The following CCDC91 variants were observed in gnomAD, a reference collection of about 807,000 sequenced individuals.
The protein encoded by CCDC91 is coiled-coil domain containing 91, also known as coiled-coil domain-containing protein 91.
CCDC91 carries 48 observed loss-of-function variants against 63.2 expected under a neutral mutation model. The observed-to-expected ratio is 0.76, with a 90% confidence interval of 0.60 to 0.97. The LOEUF (loss-of-function observed/expected upper bound fraction) is 0.97. CCDC91 is among the 50% of genes least tolerant of loss of function. The pLI is 0.00. For synonymous variants in CCDC91, 167 were observed against 165.8 expected (o/e 1.01, Z -0.06); for missense variants, 500 against 494.6 (o/e 1.01, Z -0.10).
At chr12:28,405,207 A>C (rs2139589037) in intron 8 of CCDC91, among the ~76,000 whole-genome samples, 1 of 152,144 alleles carries the variant, frequency 6.6e-6, no homozygotes, top group Non-Finnish European at 1.5e-5. Context: ...TGGTTGCCCT[A>C]AAGTTCACAC....
intron 7 of CCDC91, among the ~76,000 whole-genome samples, chr12:28,374,803 G>A (rs758210460): frequency 7.2e-5 from 11 of 152,076 alleles, no homozygotes; most frequent in Non-Finnish European, 1.5e-4. Context: ...GTAACTCTGT[G>A]TTCATACAAC....
intron 8 of CCDC91, among the ~76,000 whole-genome samples, chr12:28,396,174 G>C (rs950676177): frequency 1.3e-5 from 2 of 152,208 alleles, no homozygotes; most frequent in African/African-American, 4.8e-5. Context: ...GCATCTAAGT[G>C]AGGTCAGAAC....
intron 1 of CCDC91, among the ~76,000 whole-genome samples, chr12:28,208,954 C>T (rs7956671): frequency 0.26 from 39,577 of 151,766 alleles, 5,424 homozygotes; most frequent in Non-Finnish European, 0.31. Context: ...GTGCCTGCCA[C>T]CATGCCCGGC....
intron 1 of CCDC91, among the ~76,000 whole-genome samples, chr12:28,203,231 G>T (rs1362435749): frequency 2.0e-5 from 3 of 152,134 alleles, no homozygotes; most frequent in Non-Finnish European, 4.4e-5. Flanking sequence ...TCTGTAATAT[G>T]TTCTTCCTAG....
intron 7 of CCDC91, among the ~76,000 whole-genome samples, chr12:28,385,412 G>A (rs759974035): frequency 6.6e-6 from 1 of 152,090 alleles, no homozygotes; most frequent in East Asian, 1.9e-4. Context: ...GTCAGGCACT[G>A]TTGTAGGTGC....
chr12:28,491,135 A>AGC (rs1951980576), intron 12 of CCDC91, among the ~76,000 whole-genome samples: 1 of 151,704 alleles, frequency 6.6e-6, no homozygotes, highest in African/African-American at 2.4e-5. Context: ...AAGTACAGTG[A>AGC]GCATAAAGAC....
At chr12:28,523,445 C>G (rs1249416357) in intron 12 of CCDC91, among the ~76,000 whole-genome samples, 1 of 152,032 alleles carries the variant, frequency 6.6e-6, no homozygotes, top group East Asian at 1.9e-4. Flanking sequence ...TCCTCCATCC[C>G]TTTATTTTGA....
intron 12 of CCDC91, 147 bp from the exon 13 acceptor site, chr12:28,548,916 T>C (rs1452371334): frequency 1.8e-6 from 1 of 554,192 alleles, no homozygotes; most frequent in African/African-American, 1.9e-5. Context: ...GTGACTTTAC[T>C]GTCATTCAGT....
intron 7 of CCDC91, among the ~76,000 whole-genome samples, chr12:28,388,595 G>A (rs985048064): frequency 4.6e-5 from 7 of 152,138 alleles, no homozygotes; most frequent in Admixed American, 3.9e-4. Flanking sequence ...AAACACTGCT[G>A]AAAGAAATCA....
intron 3 of CCDC91, among the ~76,000 whole-genome samples, chr12:28,276,360 A>G (rs1413372951): frequency 1.3e-5 from 2 of 152,012 alleles, no homozygotes; most frequent in South Asian, 4.1e-4. Flanking sequence ...TAAACCAAAG[A>G]GATATATTTG....
At chr12:28,336,803 G>A (rs982666567) in intron 6 of CCDC91, among the ~76,000 whole-genome samples, 1 of 151,920 alleles carries the variant, frequency 6.6e-6, no homozygotes, top group Non-Finnish European at 1.5e-5. Flanking sequence ...ATTCCTGAAA[G>A]TAGAGAGGAA....
At chr12:28,398,505 G>A (rs1250744258) in intron 8 of CCDC91, among the ~76,000 whole-genome samples, 1 of 152,096 alleles carries the variant, frequency 6.6e-6, no homozygotes, top group Admixed American at 6.6e-5. Context: ...GGATATATAT[G>A]TTTTTATTTT....
intron 6 of CCDC91, among the ~76,000 whole-genome samples, chr12:28,331,387 C>G (rs1941496169): frequency 6.6e-6 from 1 of 152,002 alleles, no homozygotes. Context: ...TCAGGCTGGG[C>G]TAAAATTACA....
At chr12:28,544,270 C>G (rs1307476171) in intron 12 of CCDC91, among the ~76,000 whole-genome samples, 6 of 151,686 alleles carry the variant, frequency 4.0e-5, no homozygotes, top group Non-Finnish European at 8.8e-5. Flanking sequence ...GTCTGCACCC[C>G]CCTTTTGGAG....
chr12:28,375,239 A>G (rs541917015), intron 7 of CCDC91, among the ~76,000 whole-genome samples: 277 of 152,096 alleles, frequency 1.8e-3, no homozygotes, highest in Middle Eastern at 6.8e-3. Flanking sequence ...TGAATATTGC[A>G]TGGCTAATAA....
At chr12:28,312,851 C>T (rs1439129493) in intron 6 of CCDC91, among the ~76,000 whole-genome samples, 1 of 151,984 alleles carries the variant, frequency 6.6e-6, no homozygotes, top group Non-Finnish European at 1.5e-5. Context: ...TTGTCTGCTG[C>T]CATGTGAGAC....
chr12:28,516,770 T>A (rs1939992747), intron 12 of CCDC91, among the ~76,000 whole-genome samples: 1 of 151,868 alleles, frequency 6.6e-6, no homozygotes, highest in Non-Finnish European at 1.5e-5. Flanking sequence ...AACTCATTCT[T>A]TTATAAGGAA....
chr12:28,221,007 C>T (rs1592023944), intron 1 of CCDC91, among the ~76,000 whole-genome samples: 1 of 152,080 alleles, frequency 6.6e-6, no homozygotes, highest in Non-Finnish European at 1.5e-5. Flanking sequence ...TTCAGCCATA[C>T]TTTTAAAATA....
At chr12:28,201,125 G>A (rs1446917537) in intron 1 of CCDC91, among the ~76,000 whole-genome samples, 1 of 150,800 alleles carries the variant, frequency 6.6e-6, no homozygotes, top group Non-Finnish European at 1.5e-5. Flanking sequence ...GGCCGGGCGG[G>A]GGGCTGACCC....
Sources: gnomAD v4.1 joint callset for allele counts (sites outside exome capture counted in the v4.1 genomes callset) on GRCh38, gnomAD v4.1.1 for gene constraint, MANE v1.5 for transcripts, NCBI Gene and HGNC (gene_info 2026-07-23, HGNC 2026-07-21) for gene names.